The following POU6F2 variants were observed in gnomAD, a reference collection of about 807,000 sequenced individuals.
POU6F2 encodes POU class 6 homeobox 2, also known as POU domain, class 6, transcription factor 2.
In POU6F2, 31 loss-of-function variants were observed where a neutral mutation model predicts 71.3. That is an observed-to-expected ratio of 0.43 (90% CI 0.33 to 0.59). The LOEUF (loss-of-function observed/expected upper bound fraction) is 0.59, where lower values mean the gene tolerates loss of function less well. Among genes scored for constraint, POU6F2 ranks in the 20% least tolerant of loss-of-function variants. POU6F2 has a pLI of 0.04. For synonymous variants in POU6F2, 347 were observed against 355.7 expected, an observed-to-expected ratio of 0.98 and a Z score of 0.27; for missense variants, 783 against 856.8, an observed-to-expected ratio of 0.91 and a Z score of 1.07.
chr7:39,268,445 T>G (rs1006043042), intron 4 of POU6F2, among the ~76,000 whole-genome samples: 3 of 152,124 alleles, frequency 2.0e-5, no homozygotes, highest in African/African-American at 7.2e-5. Context: ...CGGAAGGTGC[T>G]TGATGACTTT....
At position 39,460,839 on chromosome 7, in the gene POU6F2, G is replaced by A. The variant is rs1788931990; in HGVS notation, c.1658+124G>A. ...GGCAGAGAGTGGGAACAAAGTTTGG[G>A]GGCAGCTATATGTTGGGATTGGTGA... On this transcript the variant is annotated intron_variant, in intron 9 of 9. Transcript: ENST00000518318. This position sits in a 1 kb window ranked among gnomAD's most constrained non-coding sequence, Gnocchi z 4.4. 1.7e-6 allele frequency: 2 copies of A among 1,195,630 alleles called. No individual in the cohort carries two copies. The highest frequency in any genetic ancestry group is 1.5e-5 in the African/African-American group (1 of 64,960). 74.1% of individuals were successfully genotyped at this position (1,195,630 alleles called of 1,614,324 possible). A position where few individuals can be genotyped will look rare whatever the true frequency, so the allele number is the denominator to read the frequency against.
chr7:39,445,922 C>A (rs1228837193), intron 7 of POU6F2, among the ~76,000 whole-genome samples: 3 of 152,176 alleles, frequency 2.0e-5, no homozygotes, highest in Non-Finnish European at 1.5e-5. Context: ...GTCCTCCAAC[C>A]CACAGTAGCA....
intron 4 of POU6F2, among the ~76,000 whole-genome samples, chr7:39,332,327 A>G (rs7795826): frequency 0.65 from 98,623 of 152,090 alleles, 32,200 homozygotes; most frequent in East Asian, 0.89. Context: ...TAGAACTGCT[A>G]TACAGCTGTC....
intron 5 of POU6F2, among the ~76,000 whole-genome samples, chr7:39,377,416 C>T (rs912383697): frequency 3.9e-5 from 6 of 152,180 alleles, no homozygotes; most frequent in African/African-American, 1.4e-4. Context: ...CAGGCATGAG[C>T]CACCATGCAC....
At chr7:39,227,811 C>T (rs1419481623) in intron 4 of POU6F2, among the ~76,000 whole-genome samples, 1 of 152,130 alleles carries the variant, frequency 6.6e-6, no homozygotes, top group Non-Finnish European at 1.5e-5. Context: ...CCTGCCTCGG[C>T]CTCCCAAAGT....
At chr7:39,302,520 G>A (rs1462410752) in intron 4 of POU6F2, among the ~76,000 whole-genome samples, 1 of 152,218 alleles carries the variant, frequency 6.6e-6, no homozygotes, top group Non-Finnish European at 1.5e-5. Context: ...TTCCCTGCAT[G>A]TTTGATTGGT....
At chr7:39,187,496 A>C (rs1339664084) in intron 2 of POU6F2, among the ~76,000 whole-genome samples, 1 of 152,258 alleles carries the variant, frequency 6.6e-6, no homozygotes, top group African/African-American at 2.4e-5. Flanking sequence ...GACAAGAGAC[A>C]GGACAGAGCA....
intron 2 of POU6F2, among the ~76,000 whole-genome samples, chr7:39,172,575 A>G: frequency 6.8e-6 from 1 of 147,766 alleles, no homozygotes; most frequent in South Asian, 2.2e-4. Context: ...AGAAAATTGA[A>G]GACAGAAATT....
intron 1 of POU6F2, among the ~76,000 whole-genome samples, chr7:39,054,159 G>A (rs1209323674): frequency 6.6e-6 from 1 of 151,962 alleles, no homozygotes; most frequent in Non-Finnish European, 1.5e-5. Flanking sequence ...ACTTTAAAAT[G>A]TTTATATATT....
At chr7:39,458,348 T>C (rs1377266566) in intron 8 of POU6F2, among the ~76,000 whole-genome samples, 3 of 151,744 alleles carry the variant, frequency 2.0e-5, no homozygotes, top group African/African-American at 7.3e-5. Flanking sequence ...AAATGAAGAT[T>C]TTCCTTTAGA....
intron 8 of POU6F2, 112 bp downstream of exon 8, chr7:39,451,813 C>A: frequency 7.6e-7 from 1 of 1,317,662 alleles, no homozygotes; most frequent in Non-Finnish European, 1.0e-6. Context: ...TTTCTCTCAA[C>A]CCTGCACAGG....
At chr7:39,056,629 T>C (rs1195778189) in intron 1 of POU6F2, among the ~76,000 whole-genome samples, 1 of 150,366 alleles carries the variant, frequency 6.7e-6, no homozygotes, top group Non-Finnish European at 1.5e-5. Flanking sequence ...TCTCTCCTTG[T>C]TTCTCTCTCT....
chr7:39,386,512 C>G (rs1786947078), intron 5 of POU6F2, among the ~76,000 whole-genome samples: 2 of 152,132 alleles, frequency 1.3e-5, no homozygotes, highest in African/African-American at 4.8e-5. Flanking sequence ...AGATGAGTTG[C>G]TCCTCTGAGG....
chr7:39,169,673 T>A (rs542425210), intron 2 of POU6F2, among the ~76,000 whole-genome samples: 12 of 152,302 alleles, frequency 7.9e-5, no homozygotes, highest in African/African-American at 2.9e-4. Context: ...GAACTTCCAC[T>A]ACACCATTTG....
intron 2 of POU6F2, among the ~76,000 whole-genome samples, chr7:39,150,688 G>A (rs528948508): frequency 1.3e-3 from 195 of 151,644 alleles, no homozygotes; most frequent in African/African-American, 4.6e-3. Flanking sequence ...GGCTGGTCTC[G>A]AACTCCTGAC....
At chr7:39,057,541 C>A (rs1347837452) in intron 1 of POU6F2, among the ~76,000 whole-genome samples, 1 of 151,868 alleles carries the variant, frequency 6.6e-6, no homozygotes, top group Non-Finnish European at 1.5e-5. Flanking sequence ...TTTCATTTAC[C>A]TCCTAATTGT....
At chr7:39,366,582 AT>A (rs1417604674) in intron 5 of POU6F2, among the ~76,000 whole-genome samples, 1 of 152,124 alleles carries the variant, frequency 6.6e-6, no homozygotes, top group Non-Finnish European at 1.5e-5. Flanking sequence ...AGCAAGCAAG[AT>A]CCCCTCCTAC....
intron 6 of POU6F2, among the ~76,000 whole-genome samples, chr7:39,418,913 A>ATATATATGTATATATGTATATATGTG (rs1371102232): frequency 7.5e-5 from 11 of 147,180 alleles, no homozygotes; most frequent in East Asian, 2.0e-4. Context: ...GTGTGTGTAT[A>ATATATATGTATATATGTATATATGTG]TATATATGTA....
chr7:39,359,485 AT>A (rs1242087247), intron 5 of POU6F2, among the ~76,000 whole-genome samples: 11 of 152,320 alleles, frequency 7.2e-5, no homozygotes, highest in African/African-American at 1.7e-4. Context: ...GTATTAAAAT[AT>A]TTTTATGTAA....
Sources: allele counts gnomAD v4.1 joint callset (sites outside exome capture counted in the v4.1 genomes callset), GRCh38; gene constraint gnomAD v4.1.1; non-coding constraint Gnocchi (gnomAD v3.1); transcripts MANE v1.5; gene names NCBI Gene and HGNC (gene_info 2026-07-23, HGNC 2026-07-21).